ADGRG7: variants seen among roughly 807,000 people sequenced by gnomAD.
The protein encoded by ADGRG7 is G-protein coupled receptor 128.
In ADGRG7, 82 loss-of-function variants were observed where a neutral mutation model predicts 88.6. The ratio of observed to expected loss-of-function variants is 0.93; its 90% confidence interval spans 0.77 to 1.11. The LOEUF (loss-of-function observed/expected upper bound fraction) is 1.11. Ranked by LOEUF, ADGRG7 falls within the 50% of genes most tolerant of loss-of-function variation. The pLI is 0.00. For missense variants in ADGRG7, 945 were observed against 953.4 expected, an observed-to-expected ratio of 0.99 and a Z score of 0.12; for synonymous variants, 381 against 345.2, an observed-to-expected ratio of 1.10 and a Z score of -1.15.
chr3:100,678,900 T>G (rs1301878672), intron 15 of ADGRG7, among the ~76,000 whole-genome samples: 1 of 152,158 alleles, frequency 6.6e-6, no homozygotes, highest in Non-Finnish European at 1.5e-5. Flanking sequence ...CTGCGCTGGG[T>G]CAGAACTACA....
intron 2 of ADGRG7, among the ~76,000 whole-genome samples, chr3:100,630,461 C>T (rs1318448167): frequency 6.6e-6 from 1 of 152,140 alleles, no homozygotes; most frequent in Non-Finnish European, 1.5e-5. Flanking sequence ...CTCACATTCC[C>T]TCTCTACCCA....
chr3:100,645,985 C>A lies in ADGRG7; in HGVS notation c.987C>A (p.Asp329Glu). 1.2e-6 allele frequency: 2 copies of A among 1,613,830 alleles called. No homozygotes were observed. Among genetic ancestry groups the A allele is most frequent in the Non-Finnish European group, 1.7e-6 (2 of 1,179,856 alleles). Residue 329 changes from aspartate to glutamate, a missense_variant, in exon 9 of 16, where the codon GAC becomes GAA. Coordinates refer to ENST00000273352, the MANE Select transcript of ADGRG7 (RefSeq NM_032787.3). ...GCGGCTTTGTAGTTTATCAAAATGA[C>A]AAGCTTTTCCAATCAAAAACTTTTA... ...KTCGFVVYQN[D>E]KLFQSKTFTA...
At position 100,637,411 on chromosome 3, in the gene ADGRG7, A is replaced by G; in HGVS notation, c.698+9A>G. 3.7e-6 allele frequency: 6 copies of G among 1,600,404 alleles called. No homozygotes were observed. The highest frequency in any genetic ancestry group is 5.1e-6 in the Non-Finnish European group (6 of 1,168,140). On this transcript the variant is annotated intron_variant, in intron 6 of 15. Coordinates refer to ENST00000273352, the MANE Select transcript of ADGRG7 (RefSeq NM_032787.3). ...GATGATGCCCTTACAACGTAAGCAC[A>G]AATTCAATTTGGAAAGAAAACTTGA... is the stretch of plus-strand genomic sequence containing the variant.
At chr3:100,671,843 T>C (rs1306112408) in intron 15 of ADGRG7, among the ~76,000 whole-genome samples, 1 of 152,188 alleles carries the variant, frequency 6.6e-6, no homozygotes, top group South Asian at 2.1e-4. Flanking sequence ...GTGTGTCAGA[T>C]TTGTCAAAGG....
intron 1 of ADGRG7, among the ~76,000 whole-genome samples, chr3:100,611,283 CCTTCCTTCCTTCCTTCCTTT>C (rs1707147318): frequency 1.4e-5 from 2 of 142,896 alleles, no homozygotes; most frequent in African/African-American, 2.6e-5. Flanking sequence ...TTCCTTCCTT[CCTTCCTTCCTTCCTTCCTTT>C]CTTCTTTCCT....
intron 1 of ADGRG7, among the ~76,000 whole-genome samples, chr3:100,620,281 G>C (rs1312670583): frequency 1.3e-5 from 2 of 152,072 alleles, no homozygotes; most frequent in East Asian, 1.9e-4. Flanking sequence ...TGTAATCCAG[G>C]ATATAAACAG....
intron 11 of ADGRG7, chr3:100,654,188 C>T (rs1434360437): frequency 6.6e-6 from 1 of 152,216 alleles, no homozygotes; most frequent in African/African-American, 2.4e-5. Flanking sequence ...CCCGGTACAC[C>T]TTTATACTAG....
At chr3:100,691,759 G>T (rs1315055906) in intron 15 of ADGRG7, among the ~76,000 whole-genome samples, 1 of 149,214 alleles carries the variant, frequency 6.7e-6, no homozygotes, top group African/African-American at 2.4e-5. Context: ...TATCAACTAA[G>T]TGAATAAATA....
chr3:100,629,496 T>G, intron 1 of ADGRG7, 102 bp from the exon 2 acceptor site: 1 of 701,578 alleles, frequency 1.4e-6, no homozygotes. Flanking sequence ...GCAATGATAC[T>G]CAAAGCAGTG....
intron 1 of ADGRG7, among the ~76,000 whole-genome samples, chr3:100,619,893 C>A (rs922284734): frequency 4.6e-5 from 7 of 152,126 alleles, no homozygotes; most frequent in African/African-American, 7.2e-5. Flanking sequence ...CAATAACAGG[C>A]TCTGAAATTG....
chr3:100,631,273 TTC>T (rs1038476489), intron 3 of ADGRG7, among the ~76,000 whole-genome samples: 2 of 152,202 alleles, frequency 1.3e-5, no homozygotes, highest in African/African-American at 4.8e-5. Context: ...TCTTGGAACA[TTC>T]TCTAGCTTCA....
chr3:100,675,970 G>T (rs1384751738), intron 15 of ADGRG7, among the ~76,000 whole-genome samples: 2 of 151,798 alleles, frequency 1.3e-5, no homozygotes, highest in Non-Finnish European at 2.9e-5. Flanking sequence ...TTTCATCTCT[G>T]ATCTTATTTA....
In ADGRG7 at chr3:100,695,133, A is replaced by T; in HGVS notation, c.*132A>T. 1 of 889,812 alleles carries T rather than the reference A, an allele frequency of 1.1e-6. No individual in the cohort carries two copies. The allele number at this position is 889,812 out of a possible 1,614,324, so 55.1% of individuals were successfully genotyped here. The stretch of plus-strand genomic sequence containing the variant: ...TGCTCAGGATTAAGAATTAGATAAA[A>T]CCTGTTGTTTATTATTATTCGGCAT... On this transcript the variant is annotated 3_prime_UTR_variant, in exon 16 of 16. Transcript: ENST00000273352.
In ADGRG7 at chr3:100,643,355, C is replaced by T; in HGVS notation, c.788C>T (p.Ser263Phe). 1 of 1,614,072 alleles carries T rather than the reference C, an allele frequency of 6.2e-7. No homozygotes were observed. The highest frequency in any genetic ancestry group is 8.5e-7 in the Non-Finnish European group (1 of 1,179,936). Reference sequence around the variant, plus strand: ...ATAGCAATACAGTCAGCAAATTTCTCTTCAGAAAATGCGGTGGGGCCTTCA... The same window carrying T: ...ATAGCAATACAGTCAGCAAATTTCTTTTCAGAAAATGCGGTGGGGCCTTCA... ...PNIAIQSANF[S>F]SENAVGPSNV... is the part of the protein sequence containing the mutation. The change falls in exon 7 of 16, where the codon TCT becomes TTT. Residue 263 changes from serine to phenylalanine, a missense_variant. By Grantham distance (155) the Ser-to-Phe change is radical. Coordinates refer to ENST00000273352, the MANE Select transcript of ADGRG7 (RefSeq NM_032787.3).
intron 1 of ADGRG7, among the ~76,000 whole-genome samples, chr3:100,627,247 T>C (rs1215286555): frequency 6.6e-6 from 1 of 152,202 alleles, no homozygotes; most frequent in African/African-American, 2.4e-5. Flanking sequence ...GATGTTCTGT[T>C]TTATTTCTCG....
intron 12 of ADGRG7, among the ~76,000 whole-genome samples, 199 bp downstream of exon 12, chr3:100,655,380 G>A (rs1293653593): frequency 6.6e-6 from 1 of 151,950 alleles, no homozygotes; most frequent in Admixed American, 6.6e-5. Flanking sequence ...GCAAGAATAC[G>A]AGATACATCG....
rs757677296 is a variant in ADGRG7 at position 100,609,887 on chromosome 3, G to T, written c.31G>T (p.Val11Leu). 3 of 1,614,000 alleles carry T rather than the reference G, an allele frequency of 1.9e-6. No homozygotes were observed. Among genetic ancestry groups the T allele is most frequent in the Non-Finnish European group, 2.5e-6 (3 of 1,179,914 alleles). The change falls in exon 1 of 16, where the codon GTG becomes TTG. Residue 11 changes from valine (V) to leucine (L), a missense_variant. Coordinates refer to ENST00000273352, the MANE Select transcript of ADGRG7 (RefSeq NM_032787.3). ...TTCCTGCCGTGCCTGGAACCTTAGG[G>T]TGCTGGTGGCTGTCGTGTGTGGACT... MASCRAWNLR[V>L]LVAVVCGLLT...
chr3:100,655,135 G>C lies in ADGRG7; in HGVS notation c.1680G>C (p.Lys560Asn). ...ATTACCTTCTAATAAGGACCATGAA[G>C]CCTCTTCCTCGGCATTTCATTCTTT... Reference protein sequence around the residue: ...QLYYLLIRTMKPLPRHFILFI... With the variant: ...QLYYLLIRTMNPLPRHFILFI... Residue 560 changes from lysine (K) to asparagine (N), a missense_variant, in exon 12 of 16, where the codon AAG becomes AAC. Transcript: ENST00000273352. 1 of 1,613,212 alleles carries C rather than the reference G, an allele frequency of 6.2e-7. No homozygotes were observed.
chr3:100,663,317 C>T (rs1336180848), intron 14 of ADGRG7, among the ~76,000 whole-genome samples: 2 of 152,078 alleles, frequency 1.3e-5, no homozygotes, highest in Non-Finnish European at 2.9e-5. Flanking sequence ...AACCTCATTT[C>T]CTTCATTCAA....
Sources: allele counts gnomAD v4.1 joint callset (sites outside exome capture counted in the v4.1 genomes callset), GRCh38; gene constraint gnomAD v4.1.1; transcripts MANE v1.5; gene names NCBI Gene and HGNC (gene_info 2026-07-23, HGNC 2026-07-21).